ZNF131: variants seen among roughly 807,000 people sequenced by gnomAD.
ZNF131 encodes the protein zinc finger protein 131.
A neutral mutation model predicts 60.0 loss-of-function variants in ZNF131; 7 were observed. That is an observed-to-expected ratio of 0.12 (90% confidence interval 0.07 to 0.22). The LOEUF (loss-of-function observed/expected upper bound fraction) is 0.22. Ranked by LOEUF, ZNF131 falls within the 10% of genes least tolerant of loss-of-function variation. The pLI, the probability that ZNF131 is intolerant of heterozygous loss-of-function variation, is 1.00. For missense variants in ZNF131, 493 were observed against 740.9 expected, an observed-to-expected ratio of 0.67 and a Z score of 3.88; for synonymous variants, 257 against 253.2, an observed-to-expected ratio of 1.01 and a Z score of -0.14.
At chr5:43,139,081 A>T in intron 3 of ZNF131, 84 bp from the exon 4 acceptor site, 1 of 1,174,468 alleles carries the variant, frequency 8.5e-7, no homozygotes, top group Non-Finnish European at 1.1e-6. Flanking sequence ...ACAAGCTCCA[A>T]GCCCTGGGCT....
At chr5:43,137,866 G>A (rs920938634) in intron 3 of ZNF131, among the ~76,000 whole-genome samples, 1 of 152,198 alleles carries the variant, frequency 6.6e-6, no homozygotes, top group African/African-American at 2.4e-5. Flanking sequence ...TGTAGTATAT[G>A]TATCCAATGG....
At chr5:43,154,702 C>T (rs1218729718) in intron 4 of ZNF131, among the ~76,000 whole-genome samples, 1 of 152,198 alleles carries the variant, frequency 6.6e-6, no homozygotes, top group African/African-American at 2.4e-5. Context: ...CTGTAGGCTT[C>T]ATTAGTGGCA....
At chr5:43,127,377 G>A (rs1013888985) in intron 3 of ZNF131, among the ~76,000 whole-genome samples, 2 of 152,174 alleles carry the variant, frequency 1.3e-5, no homozygotes, top group Non-Finnish European at 2.9e-5. Flanking sequence ...GTAGGTTGTG[G>A]TCTGAGGACC....
rs10075492 is a variant in ZNF131, at chr5:43,121,774, A to T, written c.-15-265A>T. ...TGGACTTGCGCGCCCTGGCGCTCGGAACCTCCGGCGCTGTGCCCACCCCGC... is the reference window on the plus strand; with the variant it reads ...TGGACTTGCGCGCCCTGGCGCTCGGTACCTCCGGCGCTGTGCCCACCCCGC... On this transcript the variant is annotated intron_variant, in intron 1 of 6. Coordinates refer to ENST00000682664, the MANE Select transcript of ZNF131 (RefSeq NM_001330707.2). The T allele has an allele frequency of 2.9e-3, 697 of 241,752 alleles. 3 individuals are homozygous for T. The highest frequency in any genetic ancestry group is 0.014 in the African/African-American group (599 of 44,082). The allele number at this position is 241,752 out of a possible 1,614,324, so 15.0% of individuals were successfully genotyped here. A position where few individuals can be genotyped will look rare whatever the true frequency, so the allele number is the denominator to read the frequency against.
chr5:43,133,384 C>G (rs924503587), intron 3 of ZNF131, among the ~76,000 whole-genome samples: 1 of 152,060 alleles, frequency 6.6e-6, no homozygotes, highest in Non-Finnish European at 1.5e-5. Flanking sequence ...AGAATCGTTT[C>G]GATCTGGGGA....
At chr5:43,134,138 C>G (rs1266445976) in intron 3 of ZNF131, among the ~76,000 whole-genome samples, 1 of 152,170 alleles carries the variant, frequency 6.6e-6, no homozygotes, top group Non-Finnish European at 1.5e-5. Flanking sequence ...GAAATACTAG[C>G]AGACTGATTC....
intron 3 of ZNF131, among the ~76,000 whole-genome samples, chr5:43,135,286 C>T (rs1022484197): frequency 4.6e-5 from 7 of 151,656 alleles, no homozygotes; most frequent in Non-Finnish European, 7.4e-5. Flanking sequence ...TGAGCCACTG[C>T]GCCCGGCCAT....
intron 3 of ZNF131, among the ~76,000 whole-genome samples, chr5:43,134,160 T>G (rs1205284098): frequency 6.6e-6 from 1 of 152,112 alleles, no homozygotes; most frequent in Middle Eastern, 3.2e-3. Context: ...AACAGCAAGG[T>G]ACAGGTGTCA....
chr5:43,140,918 C>A (rs1746739851), intron 4 of ZNF131, among the ~76,000 whole-genome samples: 2 of 152,040 alleles, frequency 1.3e-5, no homozygotes, highest in African/African-American at 4.8e-5. Flanking sequence ...GGGATTTCGC[C>A]ATGTTGCCCA....
At chr5:43,146,657 A>G (rs1175784737) in intron 4 of ZNF131, among the ~76,000 whole-genome samples, 1 of 152,100 alleles carries the variant, frequency 6.6e-6, no homozygotes, top group Non-Finnish European at 1.5e-5. Context: ...CTATAATCCT[A>G]GCACTTTGGA....
chr5:43,158,095 A>G (rs959092158), intron 4 of ZNF131, among the ~76,000 whole-genome samples: 2 of 151,826 alleles, frequency 1.3e-5, no homozygotes, highest in African/African-American at 2.4e-5. Flanking sequence ...CAGCCTCCCG[A>G]GGAGCTGGGA....
intron 4 of ZNF131, among the ~76,000 whole-genome samples, chr5:43,152,700 A>G (rs958029297): frequency 1.3e-5 from 2 of 152,104 alleles, no homozygotes; most frequent in African/African-American, 4.8e-5. Context: ...GTAACTTTCC[A>G]GGCTCAGATG....
rs184506696 is a variant in ZNF131, at chr5:43,170,976, G to A, written c.1055-2342G>A. Among the ~76,000 whole-genome samples the A allele has an allele frequency of 3.2e-3, 452 of 143,198 alleles. 1 individual carries two copies. The highest frequency in any genetic ancestry group is 0.011 in the African/African-American group (438 of 38,360). The allele number at this position is 143,198 out of a possible 152,430, so 93.9% of individuals were successfully genotyped here. ...TTAAATTTTTTTGAGACAGAGTCTCGCTCTGTCGCCCAGGCTGGAGTGCAA... is the reference window on the plus strand; with the variant it reads ...TTAAATTTTTTTGAGACAGAGTCTCACTCTGTCGCCCAGGCTGGAGTGCAA... On this transcript the variant is annotated intron_variant, in intron 5 of 6. Transcript: ENST00000682664.
At chr5:43,152,779 T>C (rs1748487763) in intron 4 of ZNF131, among the ~76,000 whole-genome samples, 1 of 151,888 alleles carries the variant, frequency 6.6e-6, no homozygotes, top group Admixed American at 6.6e-5. Context: ...AGCTAATCTT[T>C]TATAATTTTT....
rs774305414 is a variant in ZNF131 at position 43,175,020 on chromosome 5, G to A, written c.1759G>A (p.Ala587Thr). 1.2e-6 allele frequency: 2 copies of A among 1,614,142 alleles called. No individual in the cohort carries two copies. Among genetic ancestry groups the A allele is most frequent in the Non-Finnish European group, 1.7e-6 (2 of 1,180,014 alleles). The stretch of plus-strand genomic sequence containing the variant: ...GTCTAGCCAAGCAGATGCTGCTGAG[G>A]CTGCCAGGGAAGATCACGAAGATGC... ...RESSQADAAE[A>T]AREDHEDAED... is the part of the protein sequence containing the mutation. The change falls in exon 7 of 7, where the codon GCT (alanine) becomes ACT (threonine). Residue 587 changes from alanine (A) to threonine (T), a missense_variant. Physicochemically the swap from Ala to Thr is moderately conservative, Grantham distance 58 (BLOSUM62 0). Around this residue, in one of 7 missense-constraint regions of ZNF131, gnomAD observed 202 missense variants for 221.3 expected, o/e 0.91. Transcript: ENST00000682664.
At chr5:43,127,216 T>G (rs1399665087) in intron 3 of ZNF131, among the ~76,000 whole-genome samples, 1 of 152,142 alleles carries the variant, frequency 6.6e-6, no homozygotes, top group Non-Finnish European at 1.5e-5. Flanking sequence ...AAATAATGAC[T>G]TAGCATGGCA....
At chr5:43,171,565 AAG>A (rs2112107204) in intron 5 of ZNF131, among the ~76,000 whole-genome samples, 1 of 152,280 alleles carries the variant, frequency 6.6e-6, no homozygotes, top group Non-Finnish European at 1.5e-5. Flanking sequence ...TCTGAAAAAA[AAG>A]AATGCTATTA....
At chr5:43,143,290 G>T (rs1747102586) in intron 4 of ZNF131, 1 of 967,188 alleles carries the variant, frequency 1.0e-6, no homozygotes. Context: ...CAAAGTGCTG[G>T]GATTACAAGC....
chr5:43,136,627 TTCTTTTTTTC>T (rs1428036929), intron 3 of ZNF131, among the ~76,000 whole-genome samples: 3 of 80,506 alleles, frequency 3.7e-5, no homozygotes, highest in South Asian at 4.9e-4. Flanking sequence ...TCTAATTTTT[TTCTTTTTTTC>T]TTTTTTCTTT....
Sources: gnomAD v4.1 joint callset for allele counts (sites outside exome capture counted in the v4.1 genomes callset) on GRCh38, gnomAD v4.1.1 for gene constraint, gnomAD v4.1.1 regional missense constraint, MANE v1.5 for transcripts, NCBI Gene and HGNC (gene_info 2026-07-23, HGNC 2026-07-21) for gene names.